SLC38A4: variants seen among roughly 807,000 people sequenced by gnomAD.
The protein encoded by SLC38A4 is sodium-coupled neutral amino acid transporter 4.
SLC38A4 carries 20 observed loss-of-function variants against 63.1 expected under a neutral mutation model. The ratio of observed to expected loss-of-function variants is 0.32; its 90% confidence interval spans 0.22 to 0.46. The LOEUF is 0.46. Ranked by LOEUF, SLC38A4 falls within the 20% of genes least tolerant of loss-of-function variation. The probability of loss-of-function intolerance (pLI) is 1.00; values close to 1 mark genes in which losing one functional copy is unlikely to be tolerated. For missense variants in SLC38A4, 526 were observed against 663.6 expected (o/e 0.79, Z 2.28); for synonymous variants, 230 against 225.5 (o/e 1.02, Z -0.18).
rs368226646 is a variant in SLC38A4 at position 46,769,462 on chromosome 12, C to A, written c.1300-34G>T. 1.6e-5 allele frequency: 26 copies of A among 1,598,414 alleles called. No individual in the cohort carries two copies. In the African/African-American group the frequency reaches 3.2e-4, roughly 20 times the overall value. ...AGAAAGTTCAAAGGCAAGATCATTT[C>A]TTTGTTTTTGACTTTATCTATTACT... On this transcript the variant is annotated intron_variant, in intron 14 of 16. Transcript: ENST00000266579.
At chr12:46,776,566 A>G (rs1938529434) in intron 13 of SLC38A4, among the ~76,000 whole-genome samples, 1 of 152,052 alleles carries the variant, frequency 6.6e-6, no homozygotes, top group East Asian at 1.9e-4. Context: ...GAGCTTTATC[A>G]CATGCAAGTG....
chr12:46,769,370 TGTC>T lies in SLC38A4; in HGVS notation c.1355_1357del (p.Arg452del). 6.2e-7 allele frequency: 1 copy of T among 1,613,464 alleles called. No homozygotes were observed. Among genetic ancestry groups the T allele is most frequent in the Non-Finnish European group, 8.5e-7 (1 of 1,179,562 alleles). ...AATAAGCACAGCTGCAATCAGGAAA[TGTC>T]GTATCCAGCTGAAGGGTCGTTTGGG... is the stretch of plus-strand genomic sequence containing the variant. On this transcript the variant is annotated inframe_deletion, in exon 15 of 17. Coordinates refer to ENST00000266579, the MANE Select transcript of SLC38A4 (RefSeq NM_018018.5).
chr12:46,777,996 A>C (rs2120769826), intron 12 of SLC38A4, among the ~76,000 whole-genome samples: 1 of 152,034 alleles, frequency 6.6e-6, no homozygotes, highest in East Asian at 1.9e-4. Flanking sequence ...ACAAAATTCA[A>C]ATTTAAATTC....
intron 1 of SLC38A4, among the ~76,000 whole-genome samples, chr12:46,817,466 C>T (rs879382333): frequency 1.3e-5 from 2 of 151,824 alleles, no homozygotes; most frequent in Admixed American, 6.6e-5. Flanking sequence ...GTAGATATTT[C>T]TCAAGCTTGT....
chr12:46,783,357 A>G (rs1938691264), intron 7 of SLC38A4, among the ~76,000 whole-genome samples: 1 of 151,990 alleles, frequency 6.6e-6, no homozygotes, highest in African/African-American at 2.4e-5. Context: ...GTGTCAGTCC[A>G]ATGAGTTTAA....
intron 2 of SLC38A4, among the ~76,000 whole-genome samples, chr12:46,795,000 A>G (rs903080909): frequency 3.3e-5 from 5 of 151,964 alleles, no homozygotes; most frequent in African/African-American, 1.2e-4. Flanking sequence ...GAAAAAAAAA[A>G]GAAACTCACT....
At chr12:46,795,436 G>A (rs1417675455) in intron 2 of SLC38A4, among the ~76,000 whole-genome samples, 1 of 152,012 alleles carries the variant, frequency 6.6e-6, no homozygotes, top group Non-Finnish European at 1.5e-5. Context: ...TACATAATAA[G>A]TGAAATATAA....
chr12:46,776,883 A>T (rs1938537075), intron 13 of SLC38A4, 21 bp downstream of exon 13: 37 of 1,604,030 alleles, frequency 2.3e-5, no homozygotes, highest in Non-Finnish European at 3.2e-5. Flanking sequence ...CATATAGAGA[A>T]TGACTTTCAG....
At position 46,779,840 on chromosome 12, in the gene SLC38A4, A is replaced by G; in HGVS notation, c.598T>C (p.Tyr200His). The G allele has an allele frequency of 6.2e-7, 1 of 1,612,350 alleles. No individual in the cohort carries two copies. ...NTGEWYLNGN[Y>H]LIIFVSVGII... ...CCAACAGACACAAATATGATGAGGTAGTTGCCATTGAGGTACCATTCTCTA... is the reference window on the plus strand; with the variant it reads ...CCAACAGACACAAATATGATGAGGTGGTTGCCATTGAGGTACCATTCTCTA... The change falls in exon 9 of 17, where the codon TAC becomes CAC. Residue 200 changes from tyrosine (Y) to histidine (H), a missense_variant. Coordinates refer to ENST00000266579, the MANE Select transcript of SLC38A4 (RefSeq NM_018018.5).
chr12:46,799,583 A>T (rs568285319), intron 2 of SLC38A4, among the ~76,000 whole-genome samples: 1 of 152,178 alleles, frequency 6.6e-6, no homozygotes, highest in Admixed American at 6.5e-5. Flanking sequence ...GGCAACGAAG[A>T]TTCCATCTCA....
intron 1 of SLC38A4, among the ~76,000 whole-genome samples, chr12:46,819,908 C>T (rs1188284483): frequency 1.3e-5 from 2 of 151,792 alleles, no homozygotes; most frequent in East Asian, 1.9e-4. Flanking sequence ...TTGAGTTGTG[C>T]CATTATAGAT....
rs775511047 is a variant in SLC38A4 at position 46,787,923 on chromosome 12, G to C, written c.319C>G (p.Leu107Val). 4 of 1,611,154 alleles carry C rather than the reference G, an allele frequency of 2.5e-6. 1 individual carries two copies. The South Asian group carries it at 3.3e-5, about 13-fold the overall frequency. The change falls in exon 5 of 17, where the codon CTT (leucine) becomes GTT (valine). Residue 107 changes from leucine to valine, a missense_variant. Leu to Val is a conservative substitution (Grantham distance 32). Transcript: ENST00000266579. ...SYAMANTGIILFIIMLLAVAI... is the reference protein window; with the variant it reads ...SYAMANTGIIVFIIMLLAVAI... ...ACATATACATTCACTTACATAAAAA[G>C]TATGATCCCTGTGTTGGCCATGGCA... is the stretch of plus-strand genomic sequence containing the variant.
intron 14 of SLC38A4, among the ~76,000 whole-genome samples, chr12:46,774,254 A>G (rs989653499): frequency 1.3e-5 from 2 of 152,104 alleles, no homozygotes; most frequent in African/African-American, 4.8e-5. Flanking sequence ...TGTATGGAAC[A>G]TTATGTCCAG....
At chr12:46,831,631 G>C (rs1363620881) in intron 1 of SLC38A4, among the ~76,000 whole-genome samples, 2 of 152,228 alleles carry the variant, frequency 1.3e-5, no homozygotes, top group Non-Finnish European at 2.9e-5. Flanking sequence ...TCCCTTGAAA[G>C]AGACTCCTTG....
At chr12:46,794,512 A>G (rs1011521739) in intron 2 of SLC38A4, among the ~76,000 whole-genome samples, 2 of 151,998 alleles carry the variant, frequency 1.3e-5, no homozygotes, top group Non-Finnish European at 2.9e-5. Context: ...AAAGGAGAAC[A>G]GGCTGTTGCA....
intron 6 of SLC38A4, 64 bp downstream of exon 6, chr12:46,785,040 A>G (rs942683660): frequency 7.8e-7 from 1 of 1,283,464 alleles, no homozygotes; most frequent in Non-Finnish European, 1.1e-6. Context: ...TTATGAAGCA[A>G]CAGACTGAAA....
intron 1 of SLC38A4, among the ~76,000 whole-genome samples, chr12:46,816,064 T>C (rs900283379): frequency 1.3e-5 from 2 of 151,988 alleles, no homozygotes; most frequent in African/African-American, 2.4e-5. Flanking sequence ...GGACTTGCCA[T>C]AGCAATGTCT....
intron 2 of SLC38A4, among the ~76,000 whole-genome samples, chr12:46,799,178 T>A (rs1302736333): frequency 1.3e-5 from 2 of 152,196 alleles, no homozygotes; most frequent in Admixed American, 1.3e-4. Flanking sequence ...ATATTTCATA[T>A]GCATAATTAG....
intron 12 of SLC38A4, among the ~76,000 whole-genome samples, chr12:46,777,974 C>T (rs1938564821): frequency 6.6e-6 from 1 of 151,936 alleles, no homozygotes; most frequent in East Asian, 1.9e-4. Flanking sequence ...CAGCTGACAT[C>T]GTTTCTTCCG....
Sources: gnomAD v4.1 joint callset for allele counts (sites outside exome capture counted in the v4.1 genomes callset) on GRCh38, gnomAD v4.1.1 for gene constraint, MANE v1.5 for transcripts, NCBI Gene and HGNC (gene_info 2026-07-23, HGNC 2026-07-21) for gene names.